ULK4: variants seen among roughly 807,000 people sequenced by gnomAD.
The protein encoded by ULK4 is unc-51 like kinase 4.
In ULK4, 133 loss-of-function variants were observed where a neutral mutation model predicts 160.6. The ratio of observed to expected loss-of-function variants is 0.83; its 90% confidence interval spans 0.72 to 0.96. The LOEUF (loss-of-function observed/expected upper bound fraction) is 0.96. ULK4 is among the 40% of genes least tolerant of loss of function. ULK4 has a pLI of 0.00. For synonymous variants in ULK4, 534 were observed against 539.8 expected (o/e 0.99, Z 0.15); for missense variants, 1,580 against 1,499.5 (o/e 1.05, Z -0.89).
chr3:41,523,839 C>CAGT (rs2086017942), intron 32 of ULK4, among the ~76,000 whole-genome samples: 1 of 152,080 alleles, frequency 6.6e-6, no homozygotes, highest in Admixed American at 6.5e-5. Context: ...AATGTTTATA[C>CAGT]AGCATTATTC....
intron 17 of ULK4, 41 bp downstream of exon 17, chr3:41,883,833 T>G (rs745769887): frequency 6.7e-7 from 1 of 1,488,344 alleles, no homozygotes. Flanking sequence ...AAGAACAGTA[T>G]TTCTTGACAT....
chr3:41,296,392 G>A (rs1282327091), intron 35 of ULK4, among the ~76,000 whole-genome samples: 1 of 152,158 alleles, frequency 6.6e-6, no homozygotes, highest in African/African-American at 2.4e-5. Context: ...CCTTGGCCAG[G>A]GTGTTCACCC....
intron 32 of ULK4, among the ~76,000 whole-genome samples, chr3:41,560,262 G>A (rs990746815): frequency 1.3e-5 from 2 of 152,140 alleles, no homozygotes; most frequent in Admixed American, 1.3e-4. Context: ...GTTGGTTACT[G>A]TAGCCTTGTA....
intron 32 of ULK4, among the ~76,000 whole-genome samples, chr3:41,493,453 C>A (rs1161571549): frequency 1.6e-5 from 2 of 128,890 alleles, no homozygotes; most frequent in Non-Finnish European, 3.4e-5. Context: ...ATTTATAGCA[C>A]TAAATGCCCA....
At chr3:41,863,354 C>G (rs191231767) in intron 17 of ULK4, among the ~76,000 whole-genome samples, 1 of 152,316 alleles carries the variant, frequency 6.6e-6, no homozygotes, top group African/African-American at 2.4e-5. Context: ...GTGGGCTCCC[C>G]CTCTGGCCCA....
At position 41,938,157 on chromosome 3, in the gene ULK4, G is replaced by C. The variant is rs201207714; in HGVS notation, c.179C>G (p.Thr60Ser). 13 of 1,613,126 alleles carry C rather than the reference G, an allele frequency of 8.1e-6. No homozygotes were observed. In the East Asian group the frequency reaches 2.5e-4, roughly 30 times the overall value. ...GCTTGTTTCATACCATTCATGAAAA[G>C]TTACAATATTCTTGTGTTTTATTTC... The part of the protein sequence containing the change: ...TREIKHKNIV[T>S]FHEWYETSNH... The change falls in exon 3 of 37, where the codon ACT (threonine) becomes AGT (serine). Residue 60 changes from threonine to serine, a missense_variant. Physicochemically the swap from Thr to Ser is moderately conservative, Grantham distance 58 (BLOSUM62 1). Transcript: ENST00000301831.
At chr3:41,946,865 A>C (rs953879907) in intron 2 of ULK4, among the ~76,000 whole-genome samples, 1 of 152,188 alleles carries the variant, frequency 6.6e-6, no homozygotes, top group African/African-American at 2.4e-5. Flanking sequence ...TCTTGTCTGA[A>C]AATTTCTCCC....
At chr3:41,794,305 T>A (rs775838414) in intron 20 of ULK4, among the ~76,000 whole-genome samples, 6 of 152,108 alleles carry the variant, frequency 3.9e-5, no homozygotes, top group Non-Finnish European at 8.8e-5. Context: ...CTACTGAGCA[T>A]CTACCATGTG....
At chr3:41,287,010 G>A (rs1478042013) in intron 35 of ULK4, among the ~76,000 whole-genome samples, 1 of 152,160 alleles carries the variant, frequency 6.6e-6, no homozygotes, top group African/African-American at 2.4e-5. Flanking sequence ...GTAATGTACT[G>A]TTCATGCAAA....
intron 34 of ULK4, among the ~76,000 whole-genome samples, chr3:41,434,001 C>T (rs930011798): frequency 1.6e-4 from 24 of 152,274 alleles, no homozygotes; most frequent in African/African-American, 5.5e-4. Context: ...GGATTACAGG[C>T]GTGAGCCACC....
chr3:41,501,630 A>G (rs1337381719), intron 32 of ULK4, among the ~76,000 whole-genome samples: 1 of 152,220 alleles, frequency 6.6e-6, no homozygotes, highest in East Asian at 1.9e-4. Context: ...GCTAATTCAC[A>G]TAACTATCAC....
At chr3:41,473,115 G>A (rs1441584259) in intron 32 of ULK4, among the ~76,000 whole-genome samples, 4 of 152,092 alleles carry the variant, frequency 2.6e-5, no homozygotes, top group African/African-American at 9.7e-5. Flanking sequence ...GGACATAGAT[G>A]ATAAGCATAG....
rs754131604 is a variant in ULK4 at position 41,463,125 on chromosome 3, G to T, written c.3355C>A (p.Leu1119Met). The change falls in exon 33 of 37, where the codon CTG (leucine) becomes ATG (methionine). Residue 1119 changes from leucine (L) to methionine (M), a missense_variant. Physicochemically the swap from Leu to Met is conservative, Grantham distance 15. Coordinates refer to ENST00000301831, the MANE Select transcript of ULK4 (RefSeq NM_017886.4). ...CGTACAATACCGGAGGTATAGGTCA[G>T]CATGCTGTGCAAAATATCAAGCAGG... ...FSLLDILHSMLTYTSGIVRLA... is the reference protein window; with the variant it reads ...FSLLDILHSMMTYTSGIVRLA... 6 of 1,613,772 alleles carry T rather than the reference G, an allele frequency of 3.7e-6. No individual in the cohort carries two copies. Among genetic ancestry groups the T allele is most frequent in the Non-Finnish European group, 1.7e-6 (2 of 1,179,744 alleles).
At chr3:41,762,240 A>G (rs2039005808) in intron 21 of ULK4, among the ~76,000 whole-genome samples, 1 of 152,082 alleles carries the variant, frequency 6.6e-6, no homozygotes, top group Admixed American at 6.6e-5. Context: ...TATTCATTCT[A>G]GCTAACTATA....
At chr3:41,385,914 T>C (rs866282482) in intron 35 of ULK4, among the ~76,000 whole-genome samples, 7 of 152,206 alleles carry the variant, frequency 4.6e-5, no homozygotes, top group Non-Finnish European at 1.0e-4. Flanking sequence ...TTTCACATTG[T>C]TTTGTCTTTA....
intron 8 of ULK4, among the ~76,000 whole-genome samples, chr3:41,914,168 G>T (rs1698892574): frequency 6.6e-6 from 1 of 151,926 alleles, no homozygotes; most frequent in Non-Finnish European, 1.5e-5. Context: ...CACCAGAGTG[G>T]GAAAATTAAG....
chr3:41,780,478 A>G (rs1259986981), intron 21 of ULK4, among the ~76,000 whole-genome samples: 1 of 152,104 alleles, frequency 6.6e-6, no homozygotes, highest in Non-Finnish European at 1.5e-5. Flanking sequence ...CAGATTCAAG[A>G]GACTACCCAA....
chr3:41,677,937 G>A (rs970427679), intron 29 of ULK4, among the ~76,000 whole-genome samples: 1 of 152,032 alleles, frequency 6.6e-6, no homozygotes, highest in East Asian at 1.9e-4. Context: ...TGAATAGAGC[G>A]AAAAGGCTGA....
intron 31 of ULK4, among the ~76,000 whole-genome samples, chr3:41,573,708 C>T (rs78350075): frequency 0.03 from 4,574 of 152,228 alleles, 241 homozygotes; most frequent in African/African-American, 0.1. Context: ...GCTTAAACTA[C>T]ATTTCAGAAA....
Sources: allele counts gnomAD v4.1 joint callset (sites outside exome capture counted in the v4.1 genomes callset), GRCh38; gene constraint gnomAD v4.1.1; transcripts MANE v1.5; gene names NCBI Gene and HGNC (gene_info 2026-07-23, HGNC 2026-07-21).